The following CADPS variants were observed in gnomAD, a reference collection of about 807,000 sequenced individuals.
CADPS encodes the protein calcium dependent secretion activator.
CADPS carries 57 observed loss-of-function variants against 167.3 expected under a neutral mutation model. The ratio of observed to expected loss-of-function variants is 0.34; its 90% confidence interval spans 0.28 to 0.42. CADPS has a LOEUF of 0.42. Among genes scored for constraint, CADPS ranks in the 20% least tolerant of loss-of-function variants. The pLI is 1.00. For missense variants in CADPS, 1,414 were observed against 1,738.1 expected, an observed-to-expected ratio of 0.81 and a Z score of 3.32; for synonymous variants, 676 against 635.3, an observed-to-expected ratio of 1.06 and a Z score of -0.96.
chr3:62,630,620 G>A (rs2065094086), intron 6 of CADPS, among the ~76,000 whole-genome samples: 2 of 152,144 alleles, frequency 1.3e-5, no homozygotes, highest in African/African-American at 2.4e-5. Flanking sequence ...CTCCCAAAGT[G>A]CTGGGATTAC....
intron 1 of CADPS, among the ~76,000 whole-genome samples, chr3:62,824,006 T>C (rs1297337442): frequency 2.0e-5 from 3 of 151,890 alleles, no homozygotes; most frequent in East Asian, 3.9e-4. Flanking sequence ...CATTACATAA[T>C]GTGCAAGGGG....
At chr3:62,505,749 T>G (rs1215623089) in intron 17 of CADPS, among the ~76,000 whole-genome samples, 1 of 152,210 alleles carries the variant, frequency 6.6e-6, no homozygotes, top group African/African-American at 2.4e-5. Flanking sequence ...ATGCTTCTAC[T>G]TGAGCACTTC....
At chr3:62,611,176 C>A (rs1473044235) in intron 6 of CADPS, among the ~76,000 whole-genome samples, 5 of 152,192 alleles carry the variant, frequency 3.3e-5, no homozygotes, top group Non-Finnish European at 5.9e-5. Context: ...CATCCCAAAC[C>A]TACACTGGCT....
At chr3:62,588,120 C>T (rs1019333827) in intron 7 of CADPS, among the ~76,000 whole-genome samples, 2 of 152,184 alleles carry the variant, frequency 1.3e-5, no homozygotes, top group African/African-American at 4.8e-5. Context: ...TGCCTGGGCA[C>T]ACAGGCAGGG....
intron 1 of CADPS, among the ~76,000 whole-genome samples, chr3:62,839,347 C>T (rs528573667): frequency 1.2e-4 from 18 of 152,168 alleles, no homozygotes; most frequent in Non-Finnish European, 2.2e-4. Context: ...CAAGCCACCA[C>T]GCCTGGCTAT....
intron 9 of CADPS, among the ~76,000 whole-genome samples, chr3:62,561,098 A>AAG (rs2079075888): frequency 6.7e-6 from 1 of 149,468 alleles, no homozygotes; most frequent in Non-Finnish European, 1.5e-5. Flanking sequence ...AAAAAAAAAA[A>AAG]GAGTGGATGG....
intron 1 of CADPS, chr3:62,779,520 C>G: frequency 1.9e-6 from 1 of 537,186 alleles, no homozygotes. Flanking sequence ...CTTCTTGGCC[C>G]ATCATGTGGC....
Position 62,550,092 on chromosome 3 carries a change from A to G in CADPS, c.1777T>C (p.Phe593Leu). 1.2e-6 allele frequency: 2 copies of G among 1,614,048 alleles called. No individual in the cohort carries two copies. The highest frequency in any genetic ancestry group is 1.7e-6 in the Non-Finnish European group (2 of 1,179,936). ...QPGLEGGRAF[F>L]NAVKEGDTVI... ...GTGTCTCCCTCCTTGACAGCATTGA[A>G]GAAGGCTCGGCCACCCTCCAAACCT... The change falls in exon 11 of 30, where the codon TTC (phenylalanine) becomes CTC (leucine). Residue 593 changes from phenylalanine (F) to leucine (L), a missense_variant. This residue lies in a region of CADPS where 157 missense variants were observed against 229.4 expected (regional missense o/e 0.68). Coordinates refer to ENST00000383710, the MANE Select transcript of CADPS (RefSeq NM_003716.4).
chr3:62,619,485 A>G lies in CADPS; in HGVS notation c.1325+26237T>C, dbSNP rs1031928190. 1.7e-4 allele frequency among the ~76,000 whole-genome samples: 26 copies of G among 152,300 alleles called. No individual in the cohort carries two copies. In the Middle Eastern group the frequency reaches 0.014, roughly 80 times the overall value. On this transcript the variant is annotated intron_variant, in intron 6 of 29. Coordinates refer to ENST00000383710, the MANE Select transcript of CADPS (RefSeq NM_003716.4). ...ATCAATACATTGATATGACAAGAAG[A>G]TGCTCTCTGTTGAACTCTATGACCT...
At chr3:62,502,078 A>G (rs2065861618) in intron 17 of CADPS, among the ~76,000 whole-genome samples, 1 of 152,234 alleles carries the variant, frequency 6.6e-6, no homozygotes, top group Non-Finnish European at 1.5e-5. Context: ...TTCATTTACT[A>G]TTAATTAGCT....
chr3:62,830,542 G>A (rs925743327), intron 1 of CADPS, among the ~76,000 whole-genome samples: 1 of 152,144 alleles, frequency 6.6e-6, no homozygotes, highest in Admixed American at 6.6e-5. Context: ...AGAAAAGCAA[G>A]TTGAGGGGAT....
intron 1 of CADPS, among the ~76,000 whole-genome samples, chr3:62,796,832 T>C (rs1471672404): frequency 6.6e-6 from 1 of 152,164 alleles, no homozygotes; most frequent in Non-Finnish European, 1.5e-5. Flanking sequence ...GTAGGAAATG[T>C]TGGAATCAAA....
At chr3:62,590,114 G>A (rs2085606831) in intron 7 of CADPS, among the ~76,000 whole-genome samples, 1 of 151,832 alleles carries the variant, frequency 6.6e-6, no homozygotes, top group African/African-American at 2.4e-5. Flanking sequence ...ACATGAACCT[G>A]GGAGGTGGAG....
chr3:62,474,077 A>G, intron 24 of CADPS, 96 bp downstream of exon 24: 4 of 799,222 alleles, frequency 5.0e-6, no homozygotes, highest in Non-Finnish European at 7.6e-6. Context: ...TTCTGAAACT[A>G]GCAGACTAGG....
chr3:62,679,606 T>C (rs1306092041), intron 3 of CADPS, among the ~76,000 whole-genome samples: 3 of 151,858 alleles, frequency 2.0e-5, no homozygotes, highest in African/African-American at 4.8e-5. Flanking sequence ...AATGGAGAGA[T>C]AGTGAAATAA....
At chr3:62,819,389 G>A (rs2094782884) in intron 1 of CADPS, among the ~76,000 whole-genome samples, 1 of 148,612 alleles carries the variant, frequency 6.7e-6, no homozygotes, top group African/African-American at 2.5e-5. Context: ...AAGGTTTAAA[G>A]CAATGACAAT....
At chr3:62,715,899 C>T (rs2151892749) in intron 3 of CADPS, among the ~76,000 whole-genome samples, 1 of 150,294 alleles carries the variant, frequency 6.7e-6, no homozygotes. Flanking sequence ...GCACCCGCCA[C>T]CACACCTGGC....
At chr3:62,484,141 A>T (rs1325400759) in intron 21 of CADPS, among the ~76,000 whole-genome samples, 1 of 152,128 alleles carries the variant, frequency 6.6e-6, no homozygotes, top group Admixed American at 6.5e-5. Context: ...TCATAGAAAC[A>T]TTTCCTTCTC....
At chr3:62,401,239 A>G (rs1705993741) in intron 29 of CADPS, among the ~76,000 whole-genome samples, 1 of 152,084 alleles carries the variant, frequency 6.6e-6, no homozygotes, top group Admixed American at 6.5e-5. Context: ...TGTACTTTTC[A>G]ATCATTTGTT....
Sources: gnomAD v4.1 joint callset for allele counts (sites outside exome capture counted in the v4.1 genomes callset) on GRCh38, gnomAD v4.1.1 for gene constraint, gnomAD v4.1.1 regional missense constraint, MANE v1.5 for transcripts, NCBI Gene and HGNC (gene_info 2026-07-23, HGNC 2026-07-21) for gene names.